The following GTF2F2 variants were observed in gnomAD, a reference collection of about 807,000 sequenced individuals.
GTF2F2 encodes the protein ATP-dependent helicase GTF2F2.
GTF2F2 carries 23 observed loss-of-function variants against 42.2 expected under a neutral mutation model. The observed-to-expected ratio is 0.55, with a 90% confidence interval of 0.39 to 0.77. GTF2F2 has a LOEUF of 0.77. Ranked by LOEUF, GTF2F2 falls within the 30% of genes least tolerant of loss-of-function variation. GTF2F2 has a pLI of 0.00. For missense variants in GTF2F2, 261 were observed against 287.2 expected, an observed-to-expected ratio of 0.91 and a Z score of 0.66; for synonymous variants, 105 against 100.8, an observed-to-expected ratio of 1.04 and a Z score of -0.25.
intron 7 of GTF2F2, among the ~76,000 whole-genome samples, chr13:45,280,707 T>A (rs1047093529): frequency 2.0e-5 from 3 of 152,248 alleles, no homozygotes; most frequent in Non-Finnish European, 2.9e-5. Context: ...TGAAAACAAC[T>A]GAATTTGTAC....
At chr13:45,167,934 GA>G in intron 4 of GTF2F2, among the ~76,000 whole-genome samples, 1 of 151,688 alleles carries the variant, frequency 6.6e-6, no homozygotes, top group African/African-American at 2.4e-5. Flanking sequence ...TTGATAGAGG[GA>G]AAAAAAAGTA....
chr13:45,216,576 G>A (rs1037938794), intron 5 of GTF2F2, among the ~76,000 whole-genome samples: 1 of 152,070 alleles, frequency 6.6e-6, no homozygotes, highest in East Asian at 1.9e-4. Flanking sequence ...GAGTGCAGCC[G>A]TGTGATCTCA....
intron 4 of GTF2F2, among the ~76,000 whole-genome samples, chr13:45,183,822 A>G (rs1222630450): frequency 1.3e-5 from 2 of 152,064 alleles, no homozygotes; most frequent in East Asian, 3.9e-4. Context: ...CCTGTGTTAA[A>G]GGATCAGATT....
chr13:45,184,822 T>A (rs1393910028), intron 4 of GTF2F2, among the ~76,000 whole-genome samples: 1 of 152,134 alleles, frequency 6.6e-6, no homozygotes, highest in Admixed American at 6.5e-5. Flanking sequence ...GTTGTTATTT[T>A]CTTTGTTTTT....
At chr13:45,143,457 A>C (rs1415335908) in intron 2 of GTF2F2, among the ~76,000 whole-genome samples, 1 of 152,220 alleles carries the variant, frequency 6.6e-6, no homozygotes, top group Non-Finnish European at 1.5e-5. Flanking sequence ...AGGAGATGAT[A>C]TTAATACCTC....
intron 5 of GTF2F2, among the ~76,000 whole-genome samples, chr13:45,241,274 C>T (rs1246865007): frequency 6.6e-6 from 1 of 151,666 alleles, no homozygotes; most frequent in Admixed American, 6.6e-5. Context: ...GGGTGATAAA[C>T]AGCTAGAGCT....
At chr13:45,256,484 T>A (rs1876110063) in intron 6 of GTF2F2, among the ~76,000 whole-genome samples, 1 of 152,150 alleles carries the variant, frequency 6.6e-6, no homozygotes, top group African/African-American at 2.4e-5. Context: ...TTGTTAAGGT[T>A]GTCATAGTGA....
At chr13:45,203,496 C>G (rs1404939500) in intron 4 of GTF2F2, among the ~76,000 whole-genome samples, 1 of 152,158 alleles carries the variant, frequency 6.6e-6, no homozygotes, top group Non-Finnish European at 1.5e-5. Flanking sequence ...GCTTCCCTTT[C>G]AGTCTCCAGT....
At chr13:45,228,281 A>ATATTTTTTTTTTTTTTTTTTTTT (rs1874467229) in intron 5 of GTF2F2, among the ~76,000 whole-genome samples, 1 of 85,684 alleles carries the variant, frequency 1.2e-5, no homozygotes, top group Non-Finnish European at 2.1e-5. Flanking sequence ...GCCAGAGTTA[A>ATATTTTTTTTTTTTTTTTTTTTT]TCTTTTTTTT....
chr13:45,251,674 C>T (rs897262223), intron 5 of GTF2F2, among the ~76,000 whole-genome samples: 9 of 151,944 alleles, frequency 5.9e-5, no homozygotes, highest in African/African-American at 1.9e-4. Context: ...CATCTCACTG[C>T]TTCCTATTGG....
At chr13:45,190,204 T>A (rs1425059894) in intron 4 of GTF2F2, among the ~76,000 whole-genome samples, 1 of 152,176 alleles carries the variant, frequency 6.6e-6, no homozygotes, top group Non-Finnish European at 1.5e-5. Context: ...GAACAGACAC[T>A]TCTCAAAAGA....
At chr13:45,216,076 A>C (rs1411167670) in intron 5 of GTF2F2, among the ~76,000 whole-genome samples, 1 of 151,848 alleles carries the variant, frequency 6.6e-6, no homozygotes, top group Non-Finnish European at 1.5e-5. Context: ...CACCATCCCT[A>C]CAACAACAAC....
intron 6 of GTF2F2, among the ~76,000 whole-genome samples, chr13:45,263,470 T>C (rs985934424): frequency 2.0e-5 from 3 of 151,942 alleles, no homozygotes; most frequent in African/African-American, 7.3e-5. Context: ...CCTCGTGATC[T>C]GCCCACCTCG....
Position 45,129,896 on chromosome 13 carries a change from G to A in GTF2F2, c.67-6837G>A, listed in dbSNP as rs542948570. Among the ~76,000 whole-genome samples the A allele has an allele frequency of 3.3e-5, 5 of 152,360 alleles. No homozygotes were observed. In the South Asian group the frequency reaches 1.0e-3, roughly 32 times the overall value. ...GGGCAGGAAGGGACCTCACTGATAA[G>A]ATGGTCTTTAAGCAGGGACGTAAAG... On this transcript the variant is annotated intron_variant, in intron 1 of 7. Transcript: ENST00000340473.
intron 4 of GTF2F2, among the ~76,000 whole-genome samples, chr13:45,197,498 G>A (rs2138177967): frequency 1.4e-5 from 2 of 137,952 alleles, no homozygotes; most frequent in East Asian, 2.0e-4. Context: ...AACACAGTAA[G>A]ACCCTGTCTC....
chr13:45,272,127 A>G lies in GTF2F2; in HGVS notation c.630+4751A>G, dbSNP rs186023073. Among the ~76,000 whole-genome samples, 179 of 149,832 alleles carry G rather than the reference A, an allele frequency of 1.2e-3. No individual in the cohort carries two copies. In the South Asian group the frequency reaches 0.025, roughly 21 times the overall value. ...TTTTTTATATTTTAAAAAAAAGACAATTTCCCAACAGAGCATATTGACAGC... is the reference window on the plus strand; with the variant it reads ...TTTTTTATATTTTAAAAAAAAGACAGTTTCCCAACAGAGCATATTGACAGC... On this transcript the variant is annotated intron_variant, in intron 7 of 7. Coordinates refer to ENST00000340473, the MANE Select transcript of GTF2F2 (RefSeq NM_004128.3).
At chr13:45,195,907 C>G (rs550218799) in intron 4 of GTF2F2, among the ~76,000 whole-genome samples, 23 of 152,298 alleles carry the variant, frequency 1.5e-4, no homozygotes, top group African/African-American at 5.1e-4. Flanking sequence ...CTGCCCACCT[C>G]AGCCTCCCAG....
intron 5 of GTF2F2, among the ~76,000 whole-genome samples, chr13:45,249,081 A>G (rs1010135063): frequency 2.6e-5 from 4 of 152,218 alleles, no homozygotes; most frequent in African/African-American, 9.7e-5. Flanking sequence ...AAGCATATCA[A>G]GGTCAGTAAT....
chr13:45,207,578 CT>C, intron 5 of GTF2F2, 73 bp downstream of exon 5: 1 of 877,404 alleles, frequency 1.1e-6, no homozygotes, highest in Non-Finnish European at 1.9e-6. Flanking sequence ...GTTATATCGC[CT>C]ATTGACTGCA....
Sources: allele counts gnomAD v4.1 joint callset (sites outside exome capture counted in the v4.1 genomes callset), GRCh38; gene constraint gnomAD v4.1.1; transcripts MANE v1.5; gene names NCBI Gene and HGNC (gene_info 2026-07-23, HGNC 2026-07-21).